The following TULP4 variants were observed in gnomAD, a reference collection of about 807,000 sequenced individuals.
The protein encoded by TULP4 is TUB like protein 4, also known as tubby-related protein 4.
A neutral mutation model predicts 129.0 loss-of-function variants in TULP4; 16 were observed. The observed-to-expected ratio is 0.12, with a 90% CI of 0.08 to 0.19. The LOEUF is 0.19. TULP4 is among the 10% of genes least tolerant of loss of function. The probability of loss-of-function intolerance (pLI) is 1.00; values close to 1 mark genes in which losing one functional copy is unlikely to be tolerated. For synonymous variants in TULP4, 998 were observed against 854.0 expected, an observed-to-expected ratio of 1.17 and a Z score of -2.94; for missense variants, 1,842 against 2,059.1, an observed-to-expected ratio of 0.89 and a Z score of 2.04.
intron 1 of TULP4, among the ~76,000 whole-genome samples, chr6:158,234,854 A>G (rs1777658940): frequency 6.6e-6 from 1 of 152,236 alleles, no homozygotes. Context: ...TTTTTGTGGT[A>G]AAATGTACAT....
At chr6:158,439,979 G>A (rs1778849263) in intron 3 of TULP4, among the ~76,000 whole-genome samples, 1 of 151,636 alleles carries the variant, frequency 6.6e-6, no homozygotes, top group African/African-American at 2.4e-5. Flanking sequence ...CCAAAGTGCT[G>A]GGATTACAGG....
Position 158,503,977 on chromosome 6 carries a change from C to T in TULP4, c.4314C>T (p.Ala1438=), listed in dbSNP as rs75925803. ...GGAAAAGCAAGCGCTCCCCACGGGC[C>T]GCCGGCGAGCTGGAGGAGGCCAAGT... ...KGWKSKRSPR[A]AGELEEAKCR... Residue 1438 remains alanine (A), a synonymous_variant, in exon 13 of 14, where the codon GCC becomes GCT. Coordinates refer to ENST00000367097, the MANE Select transcript of TULP4 (RefSeq NM_020245.5). The surrounding 1 kb of genome is among the most constrained non-coding windows in gnomAD (Gnocchi z 4.3). 574 of 1,612,830 alleles carry T rather than the reference C, an allele frequency of 3.6e-4. No homozygotes were observed. In the African/African-American group the frequency reaches 5.3e-3, roughly 15 times the overall value.
intron 1 of TULP4, among the ~76,000 whole-genome samples, chr6:158,321,553 G>A (rs1779632832): frequency 6.6e-6 from 1 of 152,070 alleles, no homozygotes; most frequent in Non-Finnish European, 1.5e-5. Flanking sequence ...TTGAACCTCA[G>A]ATCAGTTCCA....
At chr6:158,306,593 T>C (rs1317953859) in intron 1 of TULP4, among the ~76,000 whole-genome samples, 3 of 152,204 alleles carry the variant, frequency 2.0e-5, no homozygotes, top group Non-Finnish European at 4.4e-5. Context: ...TAGATTTACA[T>C]TTTAGAGAGT....
chr6:158,357,610 T>C (rs1485679555), intron 1 of TULP4, among the ~76,000 whole-genome samples: 1 of 152,208 alleles, frequency 6.6e-6, no homozygotes, highest in African/African-American at 2.4e-5. Context: ...AGCTATACCT[T>C]TGCTCTGATG....
At position 158,252,253 on chromosome 6, in the gene TULP4, C is replaced by T. The variant is rs1253973759; in HGVS notation, n.68+19950C>T. The stretch of plus-strand genomic sequence containing the variant: ...AAAAGTTTATTCTGTGTAGTCAAAC[C>T]TATCGATCTTTTTTCCATTGTTTCT... On this transcript the variant is annotated intron_variant and non_coding_transcript_variant, in intron 1 of 1. Transcript: ENST00000620026. Among the ~76,000 whole-genome samples the T allele has an allele frequency of 6.7e-5, 10 of 150,080 alleles. No individual in the cohort carries two copies. The East Asian group carries it at 1.4e-3, about 20-fold the overall frequency.
At chr6:158,312,088 C>G, upstream of TULP4, 1 of 395,582 alleles carries the variant, frequency 2.5e-6, no homozygotes, top group Non-Finnish European at 4.4e-6. Flanking sequence ...CGTGAATAAT[C>G]TGATGGTTCC....
At chr6:158,361,915 C>T (rs1780799582) in intron 1 of TULP4, among the ~76,000 whole-genome samples, 1 of 152,160 alleles carries the variant, frequency 6.6e-6, no homozygotes, top group Admixed American at 6.5e-5. Context: ...ATCTATTTCT[C>T]CTTATGGCTT....
At chr6:158,311,230 C>A (rs946425251), upstream of TULP4, among the ~76,000 whole-genome samples, 1 of 152,162 alleles carries the variant, frequency 6.6e-6, no homozygotes, top group Admixed American at 6.5e-5. Flanking sequence ...AATGCGAACA[C>A]CTGGGCCCTT....
intron 2 of TULP4, among the ~76,000 whole-genome samples, chr6:158,423,121 GA>G (rs142842768): frequency 0.26 from 12,569 of 47,892 alleles, 1,591 homozygotes; most frequent in South Asian, 0.38. Flanking sequence ...CCACAAAAAA[GA>G]GGGGGGGGGG....
chr6:158,401,371 G>A (rs1777844080), intron 1 of TULP4, among the ~76,000 whole-genome samples: 1 of 152,150 alleles, frequency 6.6e-6, no homozygotes, highest in Admixed American at 6.6e-5. Context: ...ACCGCACCTG[G>A]CCAGCCCTCT....
intron 1 of TULP4, among the ~76,000 whole-genome samples, chr6:158,379,819 G>A (rs975504818): frequency 6.6e-6 from 1 of 152,182 alleles, no homozygotes; most frequent in African/African-American, 2.4e-5. Flanking sequence ...TGTGAAGTTT[G>A]AGATCCCTGT....
chr6:158,491,780 T>C (rs954252818), intron 9 of TULP4, among the ~76,000 whole-genome samples: 17 of 148,732 alleles, frequency 1.1e-4, no homozygotes, highest in Admixed American at 9.4e-4. Context: ...TGTGAGCCAC[T>C]GCAACTGGCC....
chr6:158,381,923 ATTG>A (rs1210335108), intron 1 of TULP4, among the ~76,000 whole-genome samples: 7 of 151,952 alleles, frequency 4.6e-5, no homozygotes, highest in East Asian at 1.9e-4. Context: ...TTTTTTTGTT[ATTG>A]TTGTTGTTGT....
intron 1 of TULP4, among the ~76,000 whole-genome samples, chr6:158,355,388 T>C (rs1780621926): frequency 6.6e-6 from 1 of 152,190 alleles, no homozygotes; most frequent in South Asian, 2.1e-4. Flanking sequence ...GACTGGCCTA[T>C]AAGCAGAGTT....
At chr6:158,339,176 T>G (rs4708788) in intron 1 of TULP4, among the ~76,000 whole-genome samples, 130,983 of 152,192 alleles carry the variant, frequency 0.86, 56,806 homozygotes, top group South Asian at 0.93. Flanking sequence ...GCTGGTGTCC[T>G]GGGGGAGACA....
chr6:158,502,307 C>T lies in TULP4; in HGVS notation c.2644C>T (p.Pro882Ser). The change falls in exon 13 of 14, where the codon CCC (proline) becomes TCC (serine). Residue 882 changes from proline (P) to serine (S), a missense_variant. This residue lies in a region of TULP4 where 1,089 missense variants were observed against 987.1 expected (regional missense o/e 1.10). Coordinates refer to ENST00000367097, the MANE Select transcript of TULP4 (RefSeq NM_020245.5). ...CCCCACGTCAGTGCACTACCAGACC[C>T]CCCTGGGCTATGAGAGGATCACCAC... Reference protein sequence around the residue: ...LYPTSVHYQTPLGYERITTFD... With the variant: ...LYPTSVHYQTSLGYERITTFD... 3 of 1,613,540 alleles carry T rather than the reference C, an allele frequency of 1.9e-6. No individual in the cohort carries two copies. The highest frequency in any genetic ancestry group is 1.7e-4 in the Middle Eastern group (1 of 6,060).
At chr6:158,378,959 T>G (rs1264405467) in intron 1 of TULP4, among the ~76,000 whole-genome samples, 1 of 152,186 alleles carries the variant, frequency 6.6e-6, no homozygotes, top group Non-Finnish European at 1.5e-5. Context: ...GTGGGTAGAT[T>G]CATGAGAATG....
At chr6:158,469,741 A>G (rs1352802337) in intron 6 of TULP4, among the ~76,000 whole-genome samples, 1 of 151,892 alleles carries the variant, frequency 6.6e-6, no homozygotes, top group African/African-American at 2.4e-5. Context: ...ATGTCAAAGG[A>G]ATGAATAGAA....
Sources: gnomAD v4.1 joint callset for allele counts (sites outside exome capture counted in the v4.1 genomes callset) on GRCh38, gnomAD v4.1.1 for gene constraint, gnomAD v4.1.1 regional missense constraint, Gnocchi (gnomAD v3.1) non-coding constraint, MANE v1.5 for transcripts, NCBI Gene and HGNC (gene_info 2026-07-23, HGNC 2026-07-21) for gene names.